The following CADM2 variants were observed in gnomAD, a reference collection of about 807,000 sequenced individuals.
CADM2 encodes cell adhesion molecule 2.
CADM2 carries 12 observed loss-of-function variants against 49.8 expected under a neutral mutation model. That is an observed-to-expected ratio of 0.24 (90% CI 0.15 to 0.39). The LOEUF (loss-of-function observed/expected upper bound fraction) is 0.39, where lower values mean the gene tolerates loss of function less well. Among genes scored for constraint, CADM2 ranks in the 10% least tolerant of loss-of-function variants. The probability of loss-of-function intolerance (pLI) is 1.00; values close to 1 mark genes in which losing one functional copy is unlikely to be tolerated. For synonymous variants in CADM2, 214 were observed against 175.4 expected (o/e 1.22, Z -1.74); for missense variants, 378 against 492.3 (o/e 0.77, Z 2.20).
intron 1 of CADM2, among the ~76,000 whole-genome samples, chr3:85,189,605 G>A (rs565860268): frequency 1.3e-5 from 2 of 152,302 alleles, no homozygotes; most frequent in East Asian, 1.9e-4. Context: ...AACAGAAAAT[G>A]TACTGTTACG....
In CADM2 at chr3:85,399,359, C is replaced by T. The variant is rs139446451; in HGVS notation, c.62-327163C>T. On this transcript the variant is annotated intron_variant, in intron 1 of 9. Transcript: ENST00000383699. The stretch of plus-strand genomic sequence containing the variant: ...TTCCATTGGTCTATATCTCTTTTTT[C>T]GTACCAGTACCATGCTGTAGCCTTT... Among the ~76,000 whole-genome samples the T allele has an allele frequency of 3.6e-3, 548 of 152,012 alleles. 6 individuals are homozygous for T. The highest frequency in any genetic ancestry group is 0.012 in the African/African-American group (511 of 41,504).
At chr3:85,576,708 C>A (rs372576149) in intron 1 of CADM2, among the ~76,000 whole-genome samples, 320 of 152,130 alleles carry the variant, frequency 2.1e-3, no homozygotes, top group Non-Finnish European at 3.6e-3. Context: ...AGTCGTATTT[C>A]AAATCTCAAA....
At chr3:85,935,920 G>A (rs1487855200) in intron 7 of CADM2, 63 bp downstream of exon 7, 27 of 895,090 alleles carry the variant, frequency 3.0e-5, no homozygotes, top group Non-Finnish European at 4.6e-5. Context: ...TTTGATTACA[G>A]CCTTTAACTG....
intron 2 of CADM2, among the ~76,000 whole-genome samples, chr3:85,754,430 G>A (rs1407449166): frequency 6.6e-6 from 1 of 152,056 alleles, no homozygotes; most frequent in African/African-American, 2.4e-5. Context: ...CTAACACTAA[G>A]GATTCACAGA....
chr3:85,016,964 G>A (rs576710441), intron 1 of CADM2, among the ~76,000 whole-genome samples: 45 of 152,190 alleles, frequency 3.0e-4, no homozygotes, highest in African/African-American at 8.2e-4. Flanking sequence ...TGTCTAGATT[G>A]GGAGGATGCT....
At chr3:85,442,177 A>G (rs2037233384) in intron 1 of CADM2, among the ~76,000 whole-genome samples, 1 of 152,034 alleles carries the variant, frequency 6.6e-6, no homozygotes, top group South Asian at 2.1e-4. Flanking sequence ...TCATCTCAGT[A>G]TTATATTTTC....
intron 1 of CADM2, among the ~76,000 whole-genome samples, chr3:85,718,127 T>C (rs2067363662): frequency 6.6e-6 from 1 of 152,148 alleles, no homozygotes; most frequent in African/African-American, 2.4e-5. Context: ...ATAGTGTTCA[T>C]GTCATTGGTA....
chr3:85,710,786 T>C (rs2067094131), intron 1 of CADM2, among the ~76,000 whole-genome samples: 1 of 152,180 alleles, frequency 6.6e-6, no homozygotes, highest in Admixed American at 6.5e-5. Context: ...TTAAAATTAA[T>C]GAACAGTTGC....
intron 1 of CADM2, among the ~76,000 whole-genome samples, chr3:85,216,087 G>T (rs1296968581): frequency 6.6e-6 from 1 of 151,782 alleles, no homozygotes; most frequent in Non-Finnish European, 1.5e-5. Flanking sequence ...GTAGTTTGGG[G>T]ATAGTTGTTC....
intron 1 of CADM2, among the ~76,000 whole-genome samples, chr3:85,263,764 TTCA>T (rs2043064160): frequency 6.6e-6 from 1 of 152,158 alleles, no homozygotes; most frequent in Non-Finnish European, 1.5e-5. Flanking sequence ...AATTGGAAAC[TTCA>T]TCATCTCAAA....
At chr3:85,411,042 T>C (rs1342076545) in intron 1 of CADM2, among the ~76,000 whole-genome samples, 1 of 152,202 alleles carries the variant, frequency 6.6e-6, no homozygotes, top group Non-Finnish European at 1.5e-5. Context: ...ATTTAAGCCA[T>C]ACTTTGACTA....
chr3:85,696,248 G>T (rs2066551140), intron 1 of CADM2, among the ~76,000 whole-genome samples: 1 of 151,862 alleles, frequency 6.6e-6, no homozygotes, highest in African/African-American at 2.4e-5. Flanking sequence ...TTCTTTTTCT[G>T]TGCAGAAACT....
At chr3:85,667,645 A>G (rs967689624) in intron 1 of CADM2, among the ~76,000 whole-genome samples, 3 of 152,178 alleles carry the variant, frequency 2.0e-5, no homozygotes, top group Non-Finnish European at 4.4e-5. Flanking sequence ...CTCTCAGTGT[A>G]GCAAAGGGAC....
chr3:85,083,784 G>A (rs938732437), intron 1 of CADM2, among the ~76,000 whole-genome samples: 4 of 151,902 alleles, frequency 2.6e-5, no homozygotes, highest in African/African-American at 9.7e-5. Flanking sequence ...GAATTACCGA[G>A]CAAGCAAAAT....
At chr3:85,367,983 A>G (rs1348083845) in intron 1 of CADM2, among the ~76,000 whole-genome samples, 2 of 152,084 alleles carry the variant, frequency 1.3e-5, no homozygotes, top group Non-Finnish European at 2.9e-5. Context: ...TCTCATTTCA[A>G]TCTTGGGGGA....
chr3:85,552,859 G>A (rs2061848284), intron 1 of CADM2, among the ~76,000 whole-genome samples: 1 of 151,534 alleles, frequency 6.6e-6, no homozygotes, highest in Admixed American at 6.6e-5. Context: ...TGTATTTTTA[G>A]TAGAGACAAG....
chr3:86,015,799 A>G (rs1373132948), intron 8 of CADM2, among the ~76,000 whole-genome samples: 1 of 152,182 alleles, frequency 6.6e-6, no homozygotes, highest in African/African-American at 2.4e-5. Context: ...TTCATGGTTA[A>G]GACGGAATCA....
Position 85,298,318 on chromosome 3 carries a change from G to T in CADM2, c.61+338650G>T, listed in dbSNP as rs78311891. ...GATGGAACCAGATTTGCCTCCTATA[G>T]GAAGGTGAGACTTCAATTGGCCATC... On this transcript the variant is annotated intron_variant, in intron 1 of 9. Coordinates refer to ENST00000383699, the MANE Select transcript of CADM2 (RefSeq NM_001167675.2). Among the ~76,000 whole-genome samples, 900 of 152,098 alleles carry T rather than the reference G, an allele frequency of 5.9e-3. 13 individuals carry two copies. Among genetic ancestry groups the T allele is most frequent in the African/African-American group, 0.02 (836 of 41,518 alleles).
At chr3:85,306,706 A>G (rs2044219998) in intron 1 of CADM2, among the ~76,000 whole-genome samples, 1 of 151,758 alleles carries the variant, frequency 6.6e-6, no homozygotes, top group African/African-American at 2.4e-5. Flanking sequence ...TGTGCCCAAG[A>G]AGCTGAATTT....
Sources: gnomAD v4.1 joint callset for allele counts (sites outside exome capture counted in the v4.1 genomes callset) on GRCh38, gnomAD v4.1.1 for gene constraint, MANE v1.5 for transcripts, NCBI Gene and HGNC (gene_info 2026-07-23, HGNC 2026-07-21) for gene names.